Variants in GALNTL6 observed in about 807,000 individuals in gnomAD.
GALNTL6 encodes polypeptide N-acetylgalactosaminyltransferase-like 6.
GALNTL6 carries 46 observed loss-of-function variants against 73.7 expected under a neutral mutation model. The ratio of observed to expected loss-of-function variants is 0.62; its 90% CI spans 0.49 to 0.80. The LOEUF is 0.80. Ranked by LOEUF, GALNTL6 falls within the 30% of genes least tolerant of loss-of-function variation. GALNTL6 has a pLI of 0.00. For missense variants in GALNTL6, 604 were observed against 755.0 expected (o/e 0.80, Z 2.34); for synonymous variants, 259 against 263.7 (o/e 0.98, Z 0.17).
chr4:171,834,403 C>T (rs761619451), intron 2 of GALNTL6, among the ~76,000 whole-genome samples: 16 of 151,884 alleles, frequency 1.1e-4, no homozygotes, highest in African/African-American at 3.6e-4. Flanking sequence ...TACAACATTG[C>T]TTTGCGATGG....
intron 2 of GALNTL6, among the ~76,000 whole-genome samples, chr4:171,908,196 G>C (rs1330414211): frequency 2.6e-5 from 4 of 152,076 alleles, no homozygotes; most frequent in Non-Finnish European, 4.4e-5. Flanking sequence ...ACTACCATCA[G>C]AGTGAACAGG....
At chr4:172,521,815 A>AT (rs545171539) in intron 5 of GALNTL6, among the ~76,000 whole-genome samples, 93 of 152,334 alleles carry the variant, frequency 6.1e-4, no homozygotes, top group African/African-American at 1.9e-3. Context: ...TTGGACTGAA[A>AT]TAAAGTGAAA....
At chr4:171,920,146 G>A (rs760484493) in intron 2 of GALNTL6, among the ~76,000 whole-genome samples, 7 of 151,838 alleles carry the variant, frequency 4.6e-5, no homozygotes, top group African/African-American at 1.2e-4. Context: ...ACCAAACACC[G>A]CTTGTTCTCA....
intron 5 of GALNTL6, among the ~76,000 whole-genome samples, chr4:172,522,492 G>GC (rs2110821076): frequency 6.6e-6 from 1 of 152,224 alleles, no homozygotes; most frequent in South Asian, 2.1e-4. Context: ...CCAACATAGA[G>GC]AAACCCTGTC....
chr4:172,189,521 G>A (rs773445706), intron 2 of GALNTL6, among the ~76,000 whole-genome samples: 7 of 152,126 alleles, frequency 4.6e-5, no homozygotes, highest in Non-Finnish European at 1.0e-4. Context: ...ATTACAAACA[G>A]TGATGGGGTT....
intron 2 of GALNTL6, among the ~76,000 whole-genome samples, chr4:171,924,109 A>C (rs1421977578): frequency 6.6e-6 from 1 of 151,710 alleles, no homozygotes; most frequent in Non-Finnish European, 1.5e-5. Flanking sequence ...AATAGGCAAA[A>C]TGGTCCCTGC....
chr4:172,045,882 TTG>T (rs1207605022), intron 2 of GALNTL6, among the ~76,000 whole-genome samples: 1 of 152,062 alleles, frequency 6.6e-6, no homozygotes, highest in African/African-American at 2.4e-5. Flanking sequence ...GTAATCACTA[TTG>T]TACTCTCTGC....
intron 5 of GALNTL6, among the ~76,000 whole-genome samples, chr4:172,364,515 A>G (rs1375607676): frequency 6.6e-6 from 1 of 152,210 alleles, no homozygotes; most frequent in Non-Finnish European, 1.5e-5. Flanking sequence ...TATTCTATTT[A>G]TTTAAATTGA....
At chr4:172,280,687 CAATT>C (rs1296775571) in intron 3 of GALNTL6, among the ~76,000 whole-genome samples, 1 of 151,912 alleles carries the variant, frequency 6.6e-6, no homozygotes, top group Non-Finnish European at 1.5e-5. Context: ...ATTAAAGTAA[CAATT>C]AATATAAGGA....
rs1157525809 is a variant in GALNTL6 at position 172,654,145 on chromosome 4, C to T, written c.554-155216C>T. ...GAATTAACCAAGGAAAATTAACCTT[C>T]AGATTAGTGGACTTCACTCCATGCA... On this transcript the variant is annotated intron_variant, in intron 5 of 12. Coordinates refer to ENST00000506823, the MANE Select transcript of GALNTL6 (RefSeq NM_001034845.3). Among the ~76,000 whole-genome samples, 7 of 152,176 alleles carry T rather than the reference C, an allele frequency of 4.6e-5. No individual in the cohort carries two copies. The East Asian group carries it at 1.2e-3, about 25-fold the overall frequency.
chr4:172,187,401 C>T (rs1294616884), intron 2 of GALNTL6, among the ~76,000 whole-genome samples: 1 of 152,052 alleles, frequency 6.6e-6, no homozygotes, highest in East Asian at 1.9e-4. Context: ...TGCTTAAAGC[C>T]AGCTTTCCGT....
intron 5 of GALNTL6, among the ~76,000 whole-genome samples, chr4:172,455,858 G>C (rs567321326): frequency 6.6e-6 from 1 of 152,196 alleles, no homozygotes; most frequent in African/African-American, 2.4e-5. Flanking sequence ...CTAAGGGACA[G>C]ACTGCCTCCT....
chr4:172,356,671 A>G (rs1261747361), intron 5 of GALNTL6, among the ~76,000 whole-genome samples: 1 of 152,222 alleles, frequency 6.6e-6, no homozygotes, highest in Non-Finnish European at 1.5e-5. Flanking sequence ...GAATAAATTC[A>G]TATTAGAATA....
chr4:172,702,543 TGACAGTGGG>T (rs1489498293), intron 5 of GALNTL6, among the ~76,000 whole-genome samples: 1 of 152,052 alleles, frequency 6.6e-6, no homozygotes, highest in East Asian at 1.9e-4. Flanking sequence ...ATATCCAATG[TGACAGTGGG>T]GCGGGACCTT....
At chr4:172,983,313 CTG>C (rs1751154587) in intron 10 of GALNTL6, among the ~76,000 whole-genome samples, 1 of 152,160 alleles carries the variant, frequency 6.6e-6, no homozygotes, top group African/African-American at 2.4e-5. Flanking sequence ...GCCTCCAAAA[CTG>C]TGAGATAATA....
chr4:172,308,003 CTTTTTTTTTTTTTT>C (rs70941399), intron 3 of GALNTL6, among the ~76,000 whole-genome samples: 8 of 34,586 alleles, frequency 2.3e-4, no homozygotes, highest in South Asian at 2.6e-3. Flanking sequence ...TGTGTTTTAA[CTTTTTTTTTTTTTT>C]TTTTTTTTTT....
chr4:172,485,695 T>A (rs985862013), intron 5 of GALNTL6, among the ~76,000 whole-genome samples: 1 of 152,190 alleles, frequency 6.6e-6, no homozygotes, highest in Non-Finnish European at 1.5e-5. Context: ...GAGTAAGATA[T>A]GTTCCAAATA....
At chr4:172,359,500 C>T (rs1356647101) in intron 5 of GALNTL6, among the ~76,000 whole-genome samples, 6 of 151,898 alleles carry the variant, frequency 4.0e-5, no homozygotes, top group South Asian at 2.1e-4. Flanking sequence ...ACCCCTGAAA[C>T]GAAAATAAGA....
intron 5 of GALNTL6, among the ~76,000 whole-genome samples, chr4:172,599,720 A>G (rs1297408669): frequency 2.0e-5 from 3 of 152,156 alleles, no homozygotes; most frequent in Non-Finnish European, 4.4e-5. Context: ...CGTCTGAGCC[A>G]TGACATCACT....
Sources: allele counts gnomAD v4.1 joint callset (sites outside exome capture counted in the v4.1 genomes callset), GRCh38; gene constraint gnomAD v4.1.1; transcripts MANE v1.5; gene names NCBI Gene and HGNC (gene_info 2026-07-23, HGNC 2026-07-21).